Variants in RPH3AL observed in about 807,000 individuals in gnomAD.
The protein encoded by RPH3AL is rabphilin 3A like (without C2 domains).
Under a neutral mutation model 43.1 loss-of-function variants are expected in RPH3AL, and 38 were observed. The ratio of observed to expected loss-of-function variants is 0.88; its 90% CI spans 0.68 to 1.15. RPH3AL has a LOEUF of 1.15. Ranked by LOEUF, RPH3AL falls within the 50% of genes most tolerant of loss-of-function variation. The pLI is 0.00. For synonymous variants in RPH3AL, 189 were observed against 176.3 expected, an observed-to-expected ratio of 1.07 and a Z score of -0.57; for missense variants, 462 against 423.2, an observed-to-expected ratio of 1.09 and a Z score of -0.81.
At chr17:239,289 T>C (rs1279412271) in intron 7 of RPH3AL, among the ~76,000 whole-genome samples, 1 of 152,194 alleles carries the variant, frequency 6.6e-6, no homozygotes, top group Non-Finnish European at 1.5e-5. Context: ...AATACTTTCA[T>C]TGTGTTATTT....
At chr17:352,278 GC>G (rs1476607354) in intron 1 of RPH3AL, among the ~76,000 whole-genome samples, 1 of 152,172 alleles carries the variant, frequency 6.6e-6, no homozygotes, top group African/African-American at 2.4e-5. Context: ...CCGATGCGTG[GC>G]CCCCATTCTC....
chr17:218,799 T>C lies in RPH3AL; in HGVS notation c.727+824A>G, dbSNP rs540141676. On this transcript the variant is annotated intron_variant, in intron 8 of 9. Transcript: ENST00000331302. ...TGGAGGCCACCCGTTCTGTCTCACT[T>C]GCTAACGAGAAGGAAATGCAGGCCC... Among the ~76,000 whole-genome samples, 61 of 152,304 alleles carry C rather than the reference T, an allele frequency of 4.0e-4. 2 individuals are homozygous for C. The South Asian group carries it at 0.012, about 31-fold the overall frequency.
At chr17:275,810 G>T (rs1325017826) in intron 6 of RPH3AL, among the ~76,000 whole-genome samples, 1 of 152,192 alleles carries the variant, frequency 6.6e-6, no homozygotes, top group Non-Finnish European at 1.5e-5. Context: ...GCCTCCCAAA[G>T]TGCTGGGATT....
At chr17:219,542 T>TTTTTTTTA (rs2040901955) in intron 8 of RPH3AL, 81 bp downstream of exon 8, 2 of 374,930 alleles carry the variant, frequency 5.3e-6, no homozygotes, top group South Asian at 4.1e-5. Context: ...TTTTTTTTTT[T>TTTTTTTTA]GAGATGGAGT....
chr17:311,965 G>A (rs2043656601), intron 5 of RPH3AL, among the ~76,000 whole-genome samples: 2 of 152,068 alleles, frequency 1.3e-5, no homozygotes, highest in African/African-American at 4.8e-5. Flanking sequence ...GTAAAATGAG[G>A]GTGCAAGGGT....
At chr17:216,225 C>T (rs1189769221) in intron 8 of RPH3AL, among the ~76,000 whole-genome samples, 1 of 144,764 alleles carries the variant, frequency 6.9e-6, no homozygotes, top group African/African-American at 2.5e-5. Flanking sequence ...ACATGGCTGC[C>T]GGGCTCTGGC....
intron 1 of RPH3AL, among the ~76,000 whole-genome samples, chr17:337,492 C>A (rs73971747): frequency 1.3e-5 from 2 of 152,168 alleles, no homozygotes; most frequent in Non-Finnish European, 2.9e-5. Context: ...CTGCCACACA[C>A]GGGCTCTCTA....
intron 6 of RPH3AL, among the ~76,000 whole-genome samples, chr17:271,877 G>C (rs1319916551): frequency 6.6e-6 from 1 of 152,094 alleles, no homozygotes; most frequent in Non-Finnish European, 1.5e-5. Context: ...CCAGTATCCA[G>C]AATCTACAAA....
At chr17:219,151 G>A (rs370415135) in intron 8 of RPH3AL, among the ~76,000 whole-genome samples, 1 of 141,916 alleles carries the variant, frequency 7.0e-6, no homozygotes, top group Non-Finnish European at 1.5e-5. Context: ...CTGGGAAGCA[G>A]CAAAACCACT....
At chr17:334,506 AGG>A in intron 1 of RPH3AL, among the ~76,000 whole-genome samples, 1 of 142,836 alleles carries the variant, frequency 7.0e-6, no homozygotes, top group South Asian at 2.3e-4. Flanking sequence ...GACAGGAACA[AGG>A]ACAGGGACAA....
In RPH3AL at chr17:260,453, C is replaced by T. The variant is rs551942864; in HGVS notation, c.439-13168G>A. On this transcript the variant is annotated intron_variant, in intron 6 of 9. Coordinates refer to ENST00000331302, the MANE Select transcript of RPH3AL (RefSeq NM_006987.4). ...GTGAGGAGCCTGCTATGTTACTGAC[C>T]GACCACATGAACAAAGAAGGGAAAG... Among the ~76,000 whole-genome samples, 8 of 152,140 alleles carry T rather than the reference C, an allele frequency of 5.3e-5. No individual in the cohort carries two copies. The South Asian group carries it at 1.2e-3, about 24-fold the overall frequency.
chr17:294,223 C>T (rs1016770013), intron 5 of RPH3AL, among the ~76,000 whole-genome samples: 4 of 151,628 alleles, frequency 2.6e-5, no homozygotes, highest in African/African-American at 9.7e-5. Flanking sequence ...GACGTACAAA[C>T]GCCAGCATGG....
At chr17:267,932 T>C (rs968109058) in intron 6 of RPH3AL, among the ~76,000 whole-genome samples, 7 of 152,204 alleles carry the variant, frequency 4.6e-5, no homozygotes, top group African/African-American at 1.7e-4. Flanking sequence ...CAAAGAATCA[T>C]ATTCCAGTAA....
chr17:226,286 G>A (rs759559452), intron 7 of RPH3AL, among the ~76,000 whole-genome samples: 38 of 151,910 alleles, frequency 2.5e-4, no homozygotes, highest in African/African-American at 8.5e-4. Flanking sequence ...CACAGCAGGC[G>A]CCAGGAAGCC....
chr17:241,470 T>G (rs1463232339), intron 7 of RPH3AL, among the ~76,000 whole-genome samples: 1 of 152,170 alleles, frequency 6.6e-6, no homozygotes, highest in Non-Finnish European at 1.5e-5. Context: ...TAATACACTA[T>G]ATTGTGAGAT....
chr17:268,553 G>GTTTTTTTTTTTTTTT (rs5818749), intron 6 of RPH3AL, among the ~76,000 whole-genome samples: 1 of 74,518 alleles, frequency 1.3e-5, no homozygotes, highest in Admixed American at 2.3e-4. Flanking sequence ...ATGTTTTTGG[G>GTTTTTTTTTTTTTTT]TTTTTTTTTT....
In RPH3AL at chr17:274,899, CCAAAAGAAGAAAAGGAG is replaced by C. The variant is rs1201929696; in HGVS notation, c.438+6852_438+6868del. On this transcript the variant is annotated intron_variant, in intron 6 of 9. Transcript: ENST00000331302. The surrounding 1 kb of genome is among the most constrained non-coding windows in gnomAD (Gnocchi z 4.7). ...CGGGCCTTACTAATAAAATAGAAAA[CCAAAAGAAGAAAAGGAG>C]CAAAATAAAGGAAATAATGGAGGAC... Among the ~76,000 whole-genome samples, 7 of 151,960 alleles carry C rather than the reference CCAAAAGAAGAAAAGGAG, an allele frequency of 4.6e-5. No homozygotes were observed. The highest frequency in any genetic ancestry group is 1.4e-4 in the African/African-American group (6 of 41,386).
chr17:308,486 G>A (rs9890053), intron 5 of RPH3AL, among the ~76,000 whole-genome samples: 150,126 of 152,340 alleles, frequency 0.99, 73,990 homozygotes, highest in East Asian at 1. Context: ...GGTTGCAGAG[G>A]GGTTTGCACG....
At chr17:296,259 AGG>A (rs1567623091) in intron 5 of RPH3AL, among the ~76,000 whole-genome samples, 9 of 60,266 alleles carry the variant, frequency 1.5e-4, no homozygotes, top group Non-Finnish European at 2.2e-4. Flanking sequence ...TCAGTGTGGG[AGG>A]GACAGAGGAG....
Sources: gnomAD v4.1 joint callset for allele counts (sites outside exome capture counted in the v4.1 genomes callset) on GRCh38, gnomAD v4.1.1 for gene constraint, Gnocchi (gnomAD v3.1) non-coding constraint, MANE v1.5 for transcripts, NCBI Gene and HGNC (gene_info 2026-07-23, HGNC 2026-07-21) for gene names.